F13A1: variants seen among roughly 807,000 people sequenced by gnomAD.
The protein encoded by F13A1 is FSF, A subunit.
In F13A1, 47 loss-of-function variants were observed where a neutral mutation model predicts 80.1. The observed-to-expected ratio is 0.59, with a 90% CI of 0.46 to 0.75. The LOEUF (loss-of-function observed/expected upper bound fraction) is 0.75, where lower values mean the gene tolerates loss of function less well. Among genes scored for constraint, F13A1 ranks in the 30% least tolerant of loss-of-function variants. F13A1 has a pLI of 0.00. For missense variants in F13A1, 817 were observed against 930.4 expected, an observed-to-expected ratio of 0.88 and a Z score of 1.59; for synonymous variants, 349 against 344.9, an observed-to-expected ratio of 1.01 and a Z score of -0.13.
chr6:6,293,608 C>A (rs1459017679), intron 3 of F13A1, among the ~76,000 whole-genome samples: 1 of 151,986 alleles, frequency 6.6e-6, no homozygotes, highest in African/African-American at 2.4e-5. Context: ...CACAGCTCAT[C>A]AAGCCGTGGC....
intron 13 of F13A1, among the ~76,000 whole-genome samples, chr6:6,154,967 T>C (rs1207501015): frequency 6.6e-6 from 1 of 152,234 alleles, no homozygotes; most frequent in East Asian, 1.9e-4. Flanking sequence ...TATATAAGGA[T>C]GGGCATAAGC....
chr6:6,271,462 G>A (rs1049329663), intron 3 of F13A1, among the ~76,000 whole-genome samples: 1 of 152,154 alleles, frequency 6.6e-6, no homozygotes, highest in Non-Finnish European at 1.5e-5. Context: ...GCTCCATACA[G>A]GGAACCTCCA....
chr6:6,222,274 A>G (rs1287228749), intron 7 of F13A1, 103 bp from the exon 8 acceptor site: 1 of 1,472,282 alleles, frequency 6.8e-7, no homozygotes, highest in Admixed American at 1.7e-5. Context: ...ACCCAACATG[A>G]AAAGCCCTTT....
At chr6:6,173,712 T>C (rs1760818622) in intron 12 of F13A1, among the ~76,000 whole-genome samples, 2 of 152,116 alleles carry the variant, frequency 1.3e-5, no homozygotes, top group South Asian at 2.1e-4. Context: ...AAGCGGCCTA[T>C]GTCAGCGCGT....
intron 2 of F13A1, among the ~76,000 whole-genome samples, chr6:6,307,561 T>A (rs76733628): frequency 1.7e-3 from 265 of 152,134 alleles, no homozygotes; most frequent in Middle Eastern, 6.8e-3. Flanking sequence ...GTTTTTTTTT[T>A]AAAAATAGCT....
chr6:6,224,978 A>T (rs1245075598), intron 6 of F13A1, 118 bp from the exon 7 acceptor site: 1 of 1,059,116 alleles, frequency 9.4e-7, no homozygotes, highest in Non-Finnish European at 1.4e-6. Context: ...CCCAGTGAAA[A>T]GAGTTCCACT....
intron 2 of F13A1, among the ~76,000 whole-genome samples, chr6:6,314,203 A>C (rs995581680): frequency 8.6e-5 from 13 of 151,922 alleles, no homozygotes; most frequent in South Asian, 2.1e-4. Flanking sequence ...GCTGGTCTCG[A>C]ACTCCTGATC....
intron 8 of F13A1, among the ~76,000 whole-genome samples, chr6:6,212,100 G>A (rs566913460): frequency 2.2e-4 from 34 of 152,384 alleles, no homozygotes; most frequent in African/African-American, 6.5e-4. Context: ...CAAGGCTGGC[G>A]GAGGGGCGCC....
intron 4 of F13A1, among the ~76,000 whole-genome samples, chr6:6,260,284 C>T (rs1024958683): frequency 3.3e-5 from 5 of 152,116 alleles, no homozygotes; most frequent in African/African-American, 4.8e-5. Context: ...GCTGAAGGGC[C>T]CTCAGGAGCA....
At chr6:6,151,692 G>A in intron 14 of F13A1, 121 bp downstream of exon 14, 1 of 1,381,732 alleles carries the variant, frequency 7.2e-7, no homozygotes, top group Non-Finnish European at 1.0e-6. Flanking sequence ...GGTCGGCAAG[G>A]AGGAGGCAGC....
chr6:6,315,460 T>C (rs189978012), intron 2 of F13A1, among the ~76,000 whole-genome samples: 58 of 152,164 alleles, frequency 3.8e-4, no homozygotes, highest in African/African-American at 1.3e-3. Context: ...TTCTTGAATA[T>C]CATGGTGTGT....
intron 3 of F13A1, among the ~76,000 whole-genome samples, chr6:6,274,981 T>C (rs1284400583): frequency 1.3e-5 from 2 of 152,116 alleles, no homozygotes; most frequent in Admixed American, 6.5e-5. Context: ...CCTCCAACGC[T>C]GTGCAAAGGT....
intron 6 of F13A1, among the ~76,000 whole-genome samples, chr6:6,247,316 T>C (rs1396129132): frequency 6.6e-6 from 1 of 152,208 alleles, no homozygotes; most frequent in East Asian, 1.9e-4. Flanking sequence ...TAACATTCTT[T>C]CAAAAAGAGG....
intron 3 of F13A1, among the ~76,000 whole-genome samples, chr6:6,275,883 T>G (rs1302881052): frequency 6.6e-6 from 1 of 152,208 alleles, no homozygotes; most frequent in African/African-American, 2.4e-5. Flanking sequence ...GTTGCCTCAT[T>G]TAAGAGAAGA....
chr6:6,278,087 A>G (rs1439093673), intron 3 of F13A1, among the ~76,000 whole-genome samples: 1 of 152,186 alleles, frequency 6.6e-6, no homozygotes, highest in Non-Finnish European at 1.5e-5. Context: ...TTAACAAGTA[A>G]TTGTTGCTGT....
At chr6:6,188,869 T>C (rs1467046185) in intron 10 of F13A1, among the ~76,000 whole-genome samples, 1 of 73,316 alleles carries the variant, frequency 1.4e-5, no homozygotes, top group Non-Finnish European at 2.4e-5. Flanking sequence ...AGTCTCTTTG[T>C]AGGTCTCTAA....
At chr6:6,314,843 A>G (rs1758657026) in intron 2 of F13A1, among the ~76,000 whole-genome samples, 1 of 152,236 alleles carries the variant, frequency 6.6e-6, no homozygotes, top group Non-Finnish European at 1.5e-5. Context: ...CTGCTGGACA[A>G]TAGCATTTCT....
intron 4 of F13A1, among the ~76,000 whole-genome samples, chr6:6,260,568 G>T (rs898022042): frequency 2.0e-5 from 3 of 152,198 alleles, no homozygotes; most frequent in Non-Finnish European, 4.4e-5. Context: ...GGACTGCTGG[G>T]CTACAGTGTA....
rs3024463 is a variant in F13A1, at chr6:6,145,507, C to A, written c.*112G>T. 8.9e-3 allele frequency: 12,326 copies of A among 1,379,034 alleles called. 893 individuals carry two copies. The African/African-American group carries it at 0.15, about 17-fold the overall frequency. The allele number at this position is 1,379,034 out of a possible 1,614,324, so 85.4% of individuals were successfully genotyped here. ...CTCCACTCTGGAGCCCTCTGCAGTC[C>A]TGTCTGGGTCTTCACACCTAAGTCA... On this transcript the variant is annotated 3_prime_UTR_variant, in exon 15 of 15. Coordinates refer to ENST00000264870, the MANE Select transcript of F13A1 (RefSeq NM_000129.4).
Sources: gnomAD v4.1 joint callset for allele counts (sites outside exome capture counted in the v4.1 genomes callset) on GRCh38, gnomAD v4.1.1 for gene constraint, MANE v1.5 for transcripts, NCBI Gene and HGNC (gene_info 2026-07-23, HGNC 2026-07-21) for gene names.